The following AATK variants were observed in gnomAD, a reference collection of about 807,000 sequenced individuals.
The protein encoded by AATK is serine/threonine-protein kinase LMTK1.
Under a neutral mutation model 114.3 loss-of-function variants are expected in AATK, and 91 were observed. The observed-to-expected ratio is 0.80, with a 90% CI of 0.67 to 0.95. The LOEUF is 0.95. Among genes scored for constraint, AATK ranks in the 40% least tolerant of loss-of-function variants. The pLI, the probability that AATK is intolerant of heterozygous loss-of-function variation, is 0.00. For synonymous variants in AATK, 1,075 were observed against 916.5 expected, an observed-to-expected ratio of 1.17 and a Z score of -3.12; for missense variants, 2,176 against 1,965.2, an observed-to-expected ratio of 1.11 and a Z score of -2.03.
At chr17:81,164,743 G>A (rs1262557547) in intron 1 of AATK, among the ~76,000 whole-genome samples, 1 of 152,186 alleles carries the variant, frequency 6.6e-6, no homozygotes. Flanking sequence ...CTTGGGCCGG[G>A]GAGACATTAC....
In AATK at chr17:81,122,312, C is replaced by T. The variant is rs1467077846; in HGVS notation, c.1624G>A (p.Gly542Ser). 2 of 1,510,006 alleles carry T rather than the reference C, an allele frequency of 1.3e-6. No homozygotes were observed. Among genetic ancestry groups the T allele is most frequent in the Middle Eastern group, 1.8e-4 (1 of 5,512 alleles). 93.5% of individuals were successfully genotyped at this position (1,510,006 alleles called of 1,614,324 possible). A position where few individuals can be genotyped will look rare whatever the true frequency, so the allele number is the denominator to read the frequency against. The change falls in exon 11 of 14, where the codon GGC becomes AGC. Residue 542 changes from glycine to serine, a missense_variant. Gly to Ser is a moderately conservative substitution (Grantham distance 56). Around this residue, in one of 4 missense-constraint regions of AATK, gnomAD observed 1,701 missense variants for 1,394.7 expected, o/e 1.22. Transcript: ENST00000326724. ...IRLEEAAPAA[G>S]HDPDCAGCAP... The stretch of plus-strand genomic sequence containing the variant: ...CAGCCGGCGCAGTCAGGGTCGTGGC[C>T]GGCGGCGGGTGCGGCCTCCTCTAGG...
In AATK at chr17:81,166,024, A is replaced by T. The variant is rs1379259633; in HGVS notation, c.-32T>A. ...GCCAGCGGCCGGCGGGCATCCCGGGAGGGCGCTGCGCTCAGGACGCCCGCG... is the reference window on the plus strand; with the variant it reads ...GCCAGCGGCCGGCGGGCATCCCGGGTGGGCGCTGCGCTCAGGACGCCCGCG... On this transcript the variant is annotated 5_prime_UTR_variant, in exon 1 of 14. Transcript: ENST00000326724. The T allele has an allele frequency of 6.6e-6, 10 of 1,522,738 alleles. No homozygotes were observed. The highest frequency in any genetic ancestry group is 7.9e-6 in the Non-Finnish European group (9 of 1,135,496). 94.3% of individuals were successfully genotyped at this position (1,522,738 alleles called of 1,614,324 possible).
rs576697635 is a variant in AATK, at chr17:81,126,022, G to A, written c.755+405C>T. ...CACTTCTTCCAGCATGTCCCCCCGG[G>A]GTCCCCAGGGGCTGGGCATCCTGGC... On this transcript the variant is annotated intron_variant, in intron 7 of 13. Coordinates refer to ENST00000326724, the MANE Select transcript of AATK (RefSeq NM_001080395.3). This position sits in a 1 kb window ranked among gnomAD's most constrained non-coding sequence, Gnocchi z 5.1. 4 of 479,056 alleles carry A rather than the reference G, an allele frequency of 8.3e-6. No homozygotes were observed. The highest frequency in any genetic ancestry group is 7.9e-5 in the African/African-American group (4 of 50,422). The allele number at this position is 479,056 out of a possible 1,614,324, so 29.7% of individuals were successfully genotyped here. A position where few individuals can be genotyped will look rare whatever the true frequency, so the allele number is the denominator to read the frequency against.
Position 81,126,591 on chromosome 17 carries a change from G to T in AATK, c.622-31C>A. On this transcript the variant is annotated intron_variant, in intron 6 of 13. Transcript: ENST00000326724. This position sits in a 1 kb window ranked among gnomAD's most constrained non-coding sequence, Gnocchi z 5.1. ...GAAAGGGGGTGTGGCGCAGTCACCA[G>T]CAGGCTGGGGGCTGGCCACCCTGGG... The T allele has an allele frequency of 6.6e-7, 1 of 1,525,016 alleles. No homozygotes were observed. 94.5% of individuals were successfully genotyped at this position (1,525,016 alleles called of 1,614,324 possible).
At chr17:81,154,317 T>C (rs917216069) in intron 1 of AATK, among the ~76,000 whole-genome samples, 3 of 115,172 alleles carry the variant, frequency 2.6e-5, no homozygotes, top group African/African-American at 1.1e-4. Context: ...AGTTTTTTCT[T>C]TCTTTTTTTT....
At chr17:81,155,248 T>C (rs2146402555) in intron 1 of AATK, among the ~76,000 whole-genome samples, 1 of 152,376 alleles carries the variant, frequency 6.6e-6, no homozygotes, top group South Asian at 2.1e-4. Flanking sequence ...TCAAGGTTTC[T>C]GACGGATCTT....
chr17:81,155,636 G>A (rs1449831356), intron 1 of AATK, among the ~76,000 whole-genome samples: 1 of 151,660 alleles, frequency 6.6e-6, no homozygotes, highest in Non-Finnish European at 1.5e-5. Flanking sequence ...CATCCACCTC[G>A]GCCTCCCAAA....
In AATK at chr17:81,122,265, G is replaced by A. The variant is rs1215697871; in HGVS notation, c.1671C>T (p.Thr557=). The change falls in exon 11 of 14, where the codon ACC becomes ACT. Residue 557 remains threonine, a synonymous_variant. Transcript: ENST00000326724. The part of the protein sequence containing the change: ...CAGCAPSPPA[T]ADQDDDSDGS... ...CGTCAGAGTCGTCGTCCTGGTCCGCGGTGGCAGGTGGACTGGGGGCGCAGC... is the reference window on the plus strand; with the variant it reads ...CGTCAGAGTCGTCGTCCTGGTCCGCAGTGGCAGGTGGACTGGGGGCGCAGC... 1.5e-5 allele frequency: 22 copies of A among 1,494,952 alleles called. No homozygotes were observed. The highest frequency in any genetic ancestry group is 1.9e-5 in the Non-Finnish European group (21 of 1,127,664). 92.6% of individuals were successfully genotyped at this position (1,494,952 alleles called of 1,614,324 possible). A position where few individuals can be genotyped will look rare whatever the true frequency, so the allele number is the denominator to read the frequency against.
rs2060593489 is a variant in AATK at position 81,118,291 on chromosome 17, G to T, written c.*111C>A. On this transcript the variant is annotated 3_prime_UTR_variant, in exon 14 of 14. Transcript: ENST00000326724. The stretch of plus-strand genomic sequence containing the variant: ...GCGTGGGGCAGAGGCACCTGAATCT[G>T]CTGCCAACAGCCACCAGGACGTGGT... 1.7e-6 allele frequency: 2 copies of T among 1,175,134 alleles called. No homozygotes were observed. Among genetic ancestry groups the T allele is most frequent in the Non-Finnish European group, 2.4e-6 (2 of 824,250 alleles). The allele number at this position is 1,175,134 out of a possible 1,614,324, so 72.8% of individuals were successfully genotyped here. A position where few individuals can be genotyped will look rare whatever the true frequency, so the allele number is the denominator to read the frequency against.
At chr17:81,165,759 G>C (rs1388325436) in intron 1 of AATK, 179 bp downstream of exon 1, 8 of 1,519,686 alleles carry the variant, frequency 5.3e-6, no homozygotes, top group Non-Finnish European at 7.1e-6. Flanking sequence ...TTTGTGCTGG[G>C]GCCCAGGGCC....
intron 1 of AATK, among the ~76,000 whole-genome samples, chr17:81,135,527 C>G (rs185271847): frequency 1.3e-5 from 2 of 152,162 alleles, no homozygotes; most frequent in African/African-American, 2.4e-5. Context: ...CTCCCAACAC[C>G]CCTCAACACC....
chr17:81,139,771 A>G (rs796068814), intron 1 of AATK, among the ~76,000 whole-genome samples: 2 of 152,216 alleles, frequency 1.3e-5, no homozygotes, highest in South Asian at 4.1e-4. Flanking sequence ...GAATGGGGGC[A>G]GTTCTGCCTC....
intron 9 of AATK, among the ~76,000 whole-genome samples, chr17:81,124,057 G>A (rs2060748114): frequency 6.6e-6 from 1 of 152,186 alleles, no homozygotes; most frequent in African/African-American, 2.4e-5. Flanking sequence ...TCCATGATGG[G>A]GCAGTCAAGT....
At chr17:81,138,887 GCACA>G (rs758696403) in intron 1 of AATK, among the ~76,000 whole-genome samples, 1 of 149,724 alleles carries the variant, frequency 6.7e-6, no homozygotes, top group Admixed American at 6.6e-5. Flanking sequence ...ACCCATACAC[GCACA>G]CACATATAAC....
intron 1 of AATK, among the ~76,000 whole-genome samples, chr17:81,158,219 C>T (rs776545456): frequency 1.1e-4 from 16 of 152,252 alleles, no homozygotes; most frequent in Non-Finnish European, 1.8e-4. Context: ...CGCCAGACCC[C>T]GCGGCAGAGA....
At chr17:81,162,364 G>A (rs2061437314) in intron 1 of AATK, among the ~76,000 whole-genome samples, 1 of 152,146 alleles carries the variant, frequency 6.6e-6, no homozygotes, top group Non-Finnish European at 1.5e-5. Flanking sequence ...CCGGGGGCGA[G>A]AGGAGGACAG....
chr17:81,148,831 C>T (rs1169261660), intron 1 of AATK, among the ~76,000 whole-genome samples: 1 of 152,252 alleles, frequency 6.6e-6, no homozygotes, highest in Non-Finnish European at 1.5e-5. Context: ...CGCACACACC[C>T]TTGCCTGTGT....
At chr17:81,123,647 G>C (rs561206329) in intron 9 of AATK, among the ~76,000 whole-genome samples, 1 of 152,148 alleles carries the variant, frequency 6.6e-6, no homozygotes, top group South Asian at 2.1e-4. Flanking sequence ...GACACTGCCC[G>C]GTGTGGGAGC....
chr17:81,123,312 C>A lies in AATK; in HGVS notation c.994G>T (p.Glu332Ter). The A allele has an allele frequency of 7.2e-7, 1 of 1,393,146 alleles. No homozygotes were observed. The highest frequency in any genetic ancestry group is 1.6e-5 in the South Asian group (1 of 61,728). 86.3% of individuals were successfully genotyped at this position (1,393,146 alleles called of 1,614,324 possible). A position where few individuals can be genotyped will look rare whatever the true frequency, so the allele number is the denominator to read the frequency against. The change falls in exon 10 of 14, where the codon GAG (glutamate) becomes TAG (stop). Residue 332 changes from glutamate (E) to a stop codon, truncating the protein, a stop_gained. Coordinates refer to ENST00000326724, the MANE Select transcript of AATK (RefSeq NM_001080395.3). LOFTEE classifies it high-confidence loss of function. ...TGGGGATAGGGCTGCGTGCCCAGCTCAAAGAGCTCCCAGATGGTCACGCCC... is the reference window on the plus strand; with the variant it reads ...TGGGGATAGGGCTGCGTGCCCAGCTAAAAGAGCTCCCAGATGGTCACGCCC... ...SLGVTIWELF[E>*]LGTQPYPQHS...
Sources: allele counts gnomAD v4.1 joint callset (sites outside exome capture counted in the v4.1 genomes callset), GRCh38; gene constraint gnomAD v4.1.1; regional missense constraint gnomAD v4.1.1; non-coding constraint Gnocchi (gnomAD v3.1); transcripts MANE v1.5; gene names NCBI Gene and HGNC (gene_info 2026-07-23, HGNC 2026-07-21).